Variants in PRKN observed in about 807,000 individuals in gnomAD.
PRKN encodes parkin RBR E3 ubiquitin protein ligase.
In PRKN, 56 loss-of-function variants were observed where a neutral mutation model predicts 59.5. The observed-to-expected ratio is 0.94, with a 90% confidence interval of 0.76 to 1.18. PRKN has a LOEUF of 1.18. Ranked by LOEUF, PRKN falls within the 50% of genes most tolerant of loss-of-function variation. The pLI is 0.00. For missense variants in PRKN, 657 were observed against 596.4 expected, an observed-to-expected ratio of 1.10 and a Z score of -1.06; for synonymous variants, 250 against 222.1, an observed-to-expected ratio of 1.13 and a Z score of -1.12.
At chr6:161,676,544 T>G (rs1483160473) in intron 7 of PRKN, among the ~76,000 whole-genome samples, 1 of 152,236 alleles carries the variant, frequency 6.6e-6, no homozygotes, top group Non-Finnish European at 1.5e-5. Flanking sequence ...AAAGTCTGAT[T>G]GGAACTCAGC....
At chr6:162,487,973 T>C (rs1792622962) in intron 1 of PRKN, among the ~76,000 whole-genome samples, 2 of 151,088 alleles carry the variant, frequency 1.3e-5, no homozygotes, top group African/African-American at 4.9e-5. Flanking sequence ...AAAAGAAGAG[T>C]TTTGCCTAGA....
intron 9 of PRKN, among the ~76,000 whole-genome samples, chr6:161,435,300 A>T (rs1247240367): frequency 6.6e-6 from 1 of 151,434 alleles, no homozygotes; most frequent in African/African-American, 2.4e-5. Context: ...GTCCTAAAAA[A>T]CTCCCTGCAT....
chr6:162,672,023 C>T (rs1285999417), intron 1 of PRKN, among the ~76,000 whole-genome samples: 2 of 152,026 alleles, frequency 1.3e-5, no homozygotes, highest in East Asian at 3.9e-4. Flanking sequence ...AAAGTGAAGA[C>T]AGAGAGTGGG....
intron 7 of PRKN, among the ~76,000 whole-genome samples, chr6:161,713,476 C>T (rs1786839031): frequency 6.6e-6 from 1 of 152,142 alleles, no homozygotes; most frequent in Non-Finnish European, 1.5e-5. Context: ...TTAGCATAAA[C>T]ATAAGAGTTA....
intron 7 of PRKN, among the ~76,000 whole-genome samples, chr6:161,595,021 G>C (rs1328093919): frequency 6.6e-6 from 1 of 152,162 alleles, no homozygotes; most frequent in Admixed American, 6.6e-5. Context: ...AAATGTGACT[G>C]TATTGGGTGG....
chr6:162,419,747 G>C (rs998913992), intron 2 of PRKN, among the ~76,000 whole-genome samples: 7 of 151,322 alleles, frequency 4.6e-5, no homozygotes, highest in Non-Finnish European at 7.4e-5. Flanking sequence ...CAGAGAGAGA[G>C]AGACAGACAC....
At chr6:162,473,608 G>T (rs1791864633) in intron 1 of PRKN, among the ~76,000 whole-genome samples, 2 of 152,124 alleles carry the variant, frequency 1.3e-5, no homozygotes, top group South Asian at 4.2e-4. Flanking sequence ...AAAATATTAT[G>T]ATTTCAACAA....
chr6:162,595,815 C>G (rs760350496), intron 1 of PRKN, among the ~76,000 whole-genome samples: 3 of 151,998 alleles, frequency 2.0e-5, no homozygotes, highest in Admixed American at 6.6e-5. Flanking sequence ...TTAACAGGCT[C>G]CATTTGAGTT....
At chr6:162,396,232 G>C (rs1044829258) in intron 2 of PRKN, among the ~76,000 whole-genome samples, 1 of 152,110 alleles carries the variant, frequency 6.6e-6, no homozygotes, top group Non-Finnish European at 1.5e-5. Context: ...TGTTTTGAAA[G>C]AATAAATTTC....
At chr6:162,535,925 A>C (rs1460805124) in intron 1 of PRKN, among the ~76,000 whole-genome samples, 1 of 151,750 alleles carries the variant, frequency 6.6e-6, no homozygotes, top group African/African-American at 2.4e-5. Flanking sequence ...AAAAAAAAGA[A>C]TTTGGTCTGA....
intron 6 of PRKN, among the ~76,000 whole-genome samples, chr6:161,922,790 T>C (rs1034980303): frequency 3.3e-5 from 5 of 152,156 alleles, no homozygotes; most frequent in Admixed American, 2.6e-4. Context: ...GCCTAAAAAA[T>C]AAAGAGAAGG....
intron 4 of PRKN, among the ~76,000 whole-genome samples, chr6:162,087,972 G>A (rs1022053002): frequency 1.3e-5 from 2 of 152,114 alleles, no homozygotes; most frequent in African/African-American, 4.8e-5. Context: ...GAGCACTAAC[G>A]CTCCTCTGGC....
chr6:162,405,246 G>A (rs1481169088), intron 2 of PRKN, among the ~76,000 whole-genome samples: 1 of 152,148 alleles, frequency 6.6e-6, no homozygotes, highest in Non-Finnish European at 1.5e-5. Flanking sequence ...ACATGGAATA[G>A]ACTATTTCTG....
In PRKN at chr6:161,483,909, A is replaced by C. The variant is rs1263691852; in HGVS notation, c.1083+64945T>G. 2.0e-5 allele frequency among the ~76,000 whole-genome samples: 3 copies of C among 152,188 alleles called. No individual in the cohort carries two copies. Among genetic ancestry groups the C allele is most frequent in the Non-Finnish European group, 4.4e-5 (3 of 68,030 alleles). ...GATGAAGCTGGAAACCGTTATCCTC[A>C]GCAAACTAATGCAGGAACAGAAAAC... On this transcript the variant is annotated intron_variant, in intron 9 of 11. Coordinates refer to ENST00000366898, the MANE Select transcript of PRKN (RefSeq NM_004562.3). This position sits in a 1 kb window ranked among gnomAD's most constrained non-coding sequence, Gnocchi z 5.0.
chr6:161,841,958 C>A lies in PRKN; in HGVS notation c.735-56050G>T, dbSNP rs192263621. 2.6e-5 allele frequency among the ~76,000 whole-genome samples: 4 copies of A among 152,220 alleles called. No homozygotes were observed. The East Asian group carries it at 5.8e-4, about 22-fold the overall frequency. ...AGTTGAGTCCAATCTCCTTCCCCTG[C>A]TGCAAAACCCCATTGCAGTAATCCC... On this transcript the variant is annotated intron_variant, in intron 6 of 11. Coordinates refer to ENST00000366898, the MANE Select transcript of PRKN (RefSeq NM_004562.3).
intron 3 of PRKN, among the ~76,000 whole-genome samples, chr6:162,221,368 TGG>T (rs1467811616): frequency 6.6e-6 from 1 of 152,220 alleles, no homozygotes; most frequent in Non-Finnish European, 1.5e-5. Context: ...GACAGTAACC[TGG>T]CTGATGAATG....
At chr6:161,973,254 C>T (rs750192653) in intron 6 of PRKN, 48 bp downstream of exon 6, 2 of 1,229,078 alleles carry the variant, frequency 1.6e-6, no homozygotes, top group South Asian at 1.2e-5. Context: ...TTTTTAGATC[C>T]TTACCTCACG....
intron 1 of PRKN, among the ~76,000 whole-genome samples, chr6:162,634,710 G>A (rs897030603): frequency 2.6e-5 from 4 of 152,082 alleles, no homozygotes; most frequent in African/African-American, 7.2e-5. Context: ...TGCAACCTCC[G>A]CCTCCCAGGT....
chr6:161,888,280 C>T (rs1367238169), intron 6 of PRKN, among the ~76,000 whole-genome samples: 6 of 152,142 alleles, frequency 3.9e-5, no homozygotes, highest in South Asian at 4.1e-4. Context: ...TGAATGTCAG[C>T]GCTTACCTTC....
Sources: allele counts gnomAD v4.1 joint callset (sites outside exome capture counted in the v4.1 genomes callset), GRCh38; gene constraint gnomAD v4.1.1; non-coding constraint Gnocchi (gnomAD v3.1); transcripts MANE v1.5; gene names NCBI Gene and HGNC (gene_info 2026-07-23, HGNC 2026-07-21).